SATB2: variants seen among roughly 807,000 people sequenced by gnomAD.
The protein encoded by SATB2 is SATB homeobox 2, also known as DNA-binding protein SATB2.
Under a neutral mutation model 73.4 loss-of-function variants are expected in SATB2, and 1 was observed. That is an observed-to-expected ratio of 0.01 (90% CI 0.00 to 0.06). The LOEUF (loss-of-function observed/expected upper bound fraction) is 0.06. Ranked by LOEUF, SATB2 falls within the 10% of genes least tolerant of loss-of-function variation. The probability of loss-of-function intolerance (pLI) is 1.00; values close to 1 mark genes in which losing one functional copy is unlikely to be tolerated. For missense variants in SATB2, 459 were observed against 945.8 expected (o/e 0.49, Z 6.75); for synonymous variants, 397 against 367.0 (o/e 1.08, Z -0.93).
At chr2:199,435,233 T>G (rs970948874) in intron 2 of SATB2, among the ~76,000 whole-genome samples, 10 of 152,340 alleles carry the variant, frequency 6.6e-5, no homozygotes, top group Admixed American at 4.6e-4. Context: ...ACACAATGCC[T>G]TGTAAGATAT....
At chr2:199,362,393 G>T (rs1359816716) in intron 6 of SATB2, among the ~76,000 whole-genome samples, 1 of 126,806 alleles carries the variant, frequency 7.9e-6, no homozygotes, top group Non-Finnish European at 1.5e-5. Flanking sequence ...AGCAAGAAGA[G>T]TTTCCGGACT....
At chr2:199,307,965 G>C (rs530494867) in intron 10 of SATB2, among the ~76,000 whole-genome samples, 2 of 152,264 alleles carry the variant, frequency 1.3e-5, no homozygotes, top group East Asian at 3.9e-4. Flanking sequence ...CTCTTTGGTG[G>C]CAGCTGAAAT....
chr2:199,395,621 T>G (rs1690277915), intron 3 of SATB2, among the ~76,000 whole-genome samples: 1 of 152,170 alleles, frequency 6.6e-6, no homozygotes, highest in African/African-American at 2.4e-5. Flanking sequence ...TTCTAAGAAC[T>G]GTAAGAGTCC....
chr2:199,286,997 G>T (rs1029803483), intron 10 of SATB2, among the ~76,000 whole-genome samples: 1 of 152,146 alleles, frequency 6.6e-6, no homozygotes, highest in Admixed American at 6.5e-5. Flanking sequence ...GGTACCACAC[G>T]ATCCCAATGA....
chr2:199,345,541 C>T (rs963286410), intron 7 of SATB2, among the ~76,000 whole-genome samples: 1 of 152,050 alleles, frequency 6.6e-6, no homozygotes, highest in Admixed American at 6.6e-5. Context: ...ACTCCAACCA[C>T]TCTTTCCATG....
At chr2:199,400,251 T>C (rs1451310914) in intron 3 of SATB2, among the ~76,000 whole-genome samples, 2 of 152,228 alleles carry the variant, frequency 1.3e-5, no homozygotes, top group Non-Finnish European at 2.9e-5. Flanking sequence ...AGCTCCATCT[T>C]AGACCTCCTT....
At chr2:199,447,526 T>C (rs1692000050) in intron 2 of SATB2, among the ~76,000 whole-genome samples, 3 of 152,128 alleles carry the variant, frequency 2.0e-5, no homozygotes, top group South Asian at 2.1e-4. Flanking sequence ...GGCTGGGCTT[T>C]GTAACAAGAG....
upstream of SATB2, among the ~76,000 whole-genome samples, chr2:199,469,320 G>A (rs1244933221): frequency 6.6e-6 from 1 of 152,142 alleles, no homozygotes; most frequent in African/African-American, 2.4e-5. Context: ...GAAGCCCTCA[G>A]CTCCGAGGTC....
intron 7 of SATB2, among the ~76,000 whole-genome samples, chr2:199,343,399 C>T (rs1688562881): frequency 6.6e-6 from 1 of 152,146 alleles, no homozygotes; most frequent in African/African-American, 2.4e-5. Context: ...TTTATTATAG[C>T]TGGCAAGTCA....
chr2:199,282,495 C>T (rs1292556728), intron 10 of SATB2, among the ~76,000 whole-genome samples: 1 of 152,164 alleles, frequency 6.6e-6, no homozygotes, highest in Non-Finnish European at 1.5e-5. Context: ...TGCTTAGTTA[C>T]TAGCCTTGTA....
At chr2:199,426,197 A>G (rs759761054) in intron 3 of SATB2, among the ~76,000 whole-genome samples, 1 of 152,236 alleles carries the variant, frequency 6.6e-6, no homozygotes, top group Non-Finnish European at 1.5e-5. Context: ...TAGTGTTTAA[A>G]GAAGAAAAAG....
At chr2:199,418,363 T>A (rs1346751894) in intron 3 of SATB2, among the ~76,000 whole-genome samples, 1 of 152,124 alleles carries the variant, frequency 6.6e-6, no homozygotes, top group Non-Finnish European at 1.5e-5. Context: ...GGGCCAACGA[T>A]CTGTTAAGTG....
intron 3 of SATB2, among the ~76,000 whole-genome samples, chr2:199,426,818 A>C (rs1286732833): frequency 6.6e-6 from 1 of 151,994 alleles, no homozygotes; most frequent in Non-Finnish European, 1.5e-5. Flanking sequence ...CCATCTATTT[A>C]TTTATTTAGA....
chr2:199,307,981 G>A (rs1281324754), intron 10 of SATB2, among the ~76,000 whole-genome samples: 1 of 152,194 alleles, frequency 6.6e-6, no homozygotes, highest in Non-Finnish European at 1.5e-5. Context: ...GAAATTGAGA[G>A]TATTGGGCAG....
At chr2:199,378,985 A>G (rs2105863754) in intron 5 of SATB2, among the ~76,000 whole-genome samples, 1 of 152,292 alleles carries the variant, frequency 6.6e-6, no homozygotes, top group South Asian at 2.1e-4. Flanking sequence ...AGCTCATGGC[A>G]CAGCAAATTT....
chr2:199,368,489 C>T (rs1689352563), intron 6 of SATB2, 116 bp downstream of exon 6: 7 of 708,018 alleles, frequency 9.9e-6, no homozygotes, highest in South Asian at 7.8e-5. Flanking sequence ...AAAGATCTCA[C>T]CTTTGTAAAA....
chr2:199,336,679 C>T (rs772417392), intron 7 of SATB2, among the ~76,000 whole-genome samples: 15 of 152,254 alleles, frequency 9.9e-5, no homozygotes, highest in South Asian at 2.1e-4. Context: ...ACATGGGACA[C>T]GTCACAGTCC....
At chr2:199,428,651 G>T (rs543401208) in intron 3 of SATB2, among the ~76,000 whole-genome samples, 1 of 152,278 alleles carries the variant, frequency 6.6e-6, no homozygotes, top group Non-Finnish European at 1.5e-5. Context: ...TCTGTTATGA[G>T]AATTAAATGA....
At chr2:199,300,087 T>C (rs530663792) in intron 10 of SATB2, among the ~76,000 whole-genome samples, 1 of 152,224 alleles carries the variant, frequency 6.6e-6, no homozygotes, top group South Asian at 2.1e-4. Context: ...AGTTTGCCCT[T>C]TCACAAAATG....
Sources: gnomAD v4.1 joint callset for allele counts (sites outside exome capture counted in the v4.1 genomes callset) on GRCh38, gnomAD v4.1.1 for gene constraint, MANE v1.5 for transcripts, NCBI Gene and HGNC (gene_info 2026-07-23, HGNC 2026-07-21) for gene names.